LDLRAD4: variants seen among roughly 807,000 people sequenced by gnomAD.
LDLRAD4 encodes the protein low-density lipoprotein receptor class A domain-containing protein 4.
Under a neutral mutation model 17.0 loss-of-function variants are expected in LDLRAD4, and 5 were observed. The observed-to-expected ratio is 0.29, with a 90% CI of 0.15 to 0.62. The LOEUF is 0.62. LDLRAD4 is among the 20% of genes least tolerant of loss of function. LDLRAD4 has a pLI of 0.84. For synonymous variants in LDLRAD4, 168 were observed against 171.8 expected (o/e 0.98, Z 0.17); for missense variants, 340 against 424.7 (o/e 0.80, Z 1.75).
At chr18:13,601,657 A>AG (rs2095163952) in intron 3 of LDLRAD4, among the ~76,000 whole-genome samples, 1 of 150,924 alleles carries the variant, frequency 6.6e-6, no homozygotes, top group South Asian at 2.1e-4. Context: ...CTGTCTGAAA[A>AG]AAAAAAAAAG....
intron 3 of LDLRAD4, among the ~76,000 whole-genome samples, chr18:13,510,113 C>T (rs1208206583): frequency 1.3e-5 from 2 of 152,152 alleles, no homozygotes; most frequent in South Asian, 2.1e-4. Flanking sequence ...GCAGCATCTC[C>T]GAGTATGTCT....
rs73954885 is a variant in LDLRAD4, at chr18:13,649,840, C to G, written c.*4183C>G. On this transcript the variant is annotated 3_prime_UTR_variant, in exon 6 of 6. Transcript: ENST00000359446. ...AGTGCTTGGAGCCAAGCCTTCATGC[C>G]ACGAACATGCTCCACAGCCTGCCCT... 5.1e-3 allele frequency: 2,009 copies of G among 393,444 alleles called. 40 individuals are homozygous for G. Among genetic ancestry groups the G allele is most frequent in the African/African-American group, 0.038 (1,825 of 48,646 alleles). The allele number at this position is 393,444 out of a possible 1,614,324, so 24.4% of individuals were successfully genotyped here.
At position 13,322,514 on chromosome 18, in the gene LDLRAD4, G is replaced by A. The variant is rs193246967; in HGVS notation, c.-383+44326G>A. 3.3e-5 allele frequency among the ~76,000 whole-genome samples: 5 copies of A among 152,064 alleles called. No homozygotes were observed. In the East Asian group the frequency reaches 9.7e-4, roughly 29 times the overall value. ...GGGATTTTGCCATATTGGCCAGGCT[G>A]GTCTAAAACTCCTGACCTCAGGTGA... On this transcript the variant is annotated intron_variant, in intron 1 of 5. Transcript: ENST00000359446.
chr18:13,583,483 A>G (rs540063142), intron 3 of LDLRAD4, among the ~76,000 whole-genome samples: 18 of 152,302 alleles, frequency 1.2e-4, no homozygotes, highest in Non-Finnish European at 2.4e-4. Flanking sequence ...ACTAGAATGC[A>G]TGGGATTGGG....
rs71174166 is a variant in LDLRAD4, at chr18:13,226,180, C to CTT, written c.-467+7212_-467+7213dup. On this transcript the variant is annotated intron_variant, in intron 1 of 5. Transcript: ENST00000399848. ...GGACTACAGATGCTGCCATGCCTTGCTTTTTTTTTTTTTTTTTTTTTGTAG... is the reference window on the plus strand; with the variant it reads ...GGACTACAGATGCTGCCATGCCTTGCTTTTTTTTTTTTTTTTTTTTTTTGTAG... 2.1e-4 allele frequency among the ~76,000 whole-genome samples: 11 copies of CTT among 52,208 alleles called. 1 individual carries two copies. The highest frequency in any genetic ancestry group is 4.7e-4 in the African/African-American group (6 of 12,850). The allele number at this position is 52,208 out of a possible 152,430, so 34.3% of individuals were successfully genotyped here.
At chr18:13,309,373 T>A (rs1346575956) in intron 1 of LDLRAD4, among the ~76,000 whole-genome samples, 3 of 152,180 alleles carry the variant, frequency 2.0e-5, no homozygotes, top group African/African-American at 7.2e-5. Flanking sequence ...GAAAAGCAAA[T>A]CCCAAATAGG....
At chr18:13,500,403 G>A (rs977968565) in intron 3 of LDLRAD4, among the ~76,000 whole-genome samples, 1 of 152,228 alleles carries the variant, frequency 6.6e-6, no homozygotes, top group African/African-American at 2.4e-5. Context: ...GCTTTTTCAT[G>A]TTGTCCACAC....
At chr18:13,457,828 C>G (rs77472278) in intron 3 of LDLRAD4, among the ~76,000 whole-genome samples, 1 of 152,170 alleles carries the variant, frequency 6.6e-6, no homozygotes, top group Admixed American at 6.5e-5. Flanking sequence ...TATTTCAGTG[C>G]TGGTCTGACT....
At chr18:13,322,904 C>A (rs566855686) in intron 1 of LDLRAD4, among the ~76,000 whole-genome samples, 1 of 152,014 alleles carries the variant, frequency 6.6e-6, no homozygotes, top group Non-Finnish European at 1.5e-5. Context: ...GCATTACAGG[C>A]GTGAGCCACT....
At chr18:13,394,290 C>A (rs989632916) in intron 2 of LDLRAD4, among the ~76,000 whole-genome samples, 4 of 152,098 alleles carry the variant, frequency 2.6e-5, no homozygotes, top group Non-Finnish European at 5.9e-5. Flanking sequence ...CCATTCTATA[C>A]TGTTTCAAGA....
upstream of LDLRAD4, among the ~76,000 whole-genome samples, chr18:13,274,880 A>G (rs1395630668): frequency 6.6e-6 from 1 of 152,152 alleles, no homozygotes; most frequent in Non-Finnish European, 1.5e-5. Context: ...AGTATCTTAA[A>G]GAGCTGGGCA....
At chr18:13,220,046 C>G (rs2041364937) in intron 1 of LDLRAD4, among the ~76,000 whole-genome samples, 2 of 152,172 alleles carry the variant, frequency 1.3e-5, no homozygotes, top group South Asian at 4.1e-4. Context: ...CTGAGTATTA[C>G]CCATGTATAT....
intron 2 of LDLRAD4, among the ~76,000 whole-genome samples, chr18:13,429,382 A>AT (rs1172545734): frequency 1.3e-5 from 2 of 152,236 alleles, no homozygotes; most frequent in African/African-American, 4.8e-5. Flanking sequence ...GGCCCAGAGC[A>AT]TCTTTTTATA....
At chr18:13,279,247 C>A (rs58185991) in intron 1 of LDLRAD4, among the ~76,000 whole-genome samples, 1 of 152,186 alleles carries the variant, frequency 6.6e-6, no homozygotes, top group Non-Finnish European at 1.5e-5. Flanking sequence ...GTTATTCACA[C>A]GATCCCTTTA....
Position 13,466,940 on chromosome 18 carries a change from C to T in LDLRAD4, c.181+28556C>T, listed in dbSNP as rs139906386. Among the ~76,000 whole-genome samples the T allele has an allele frequency of 1.8e-3, 267 of 152,314 alleles. 4 individuals are homozygous for T. The highest frequency in any genetic ancestry group is 5.5e-3 in the African/African-American group (228 of 41,576). ...ATGACCTAATCACCTCCTGAAGGCTCCACTTCCTAATATCCTCACATTGGT... is the reference window on the plus strand; with the variant it reads ...ATGACCTAATCACCTCCTGAAGGCTTCACTTCCTAATATCCTCACATTGGT... On this transcript the variant is annotated intron_variant, in intron 3 of 5. Coordinates refer to ENST00000359446, the Ensembl canonical transcript of LDLRAD4.
intron 3 of LDLRAD4, among the ~76,000 whole-genome samples, chr18:13,484,765 C>A (rs2093178467): frequency 6.6e-6 from 1 of 152,190 alleles, no homozygotes; most frequent in Admixed American, 6.5e-5. Context: ...GACCCAGTGC[C>A]AGTATCTTCC....
At chr18:13,373,058 A>G (rs2084638078) in intron 1 of LDLRAD4, among the ~76,000 whole-genome samples, 1 of 152,220 alleles carries the variant, frequency 6.6e-6, no homozygotes, top group Non-Finnish European at 1.5e-5. Flanking sequence ...AGCTGGGTGT[A>G]AGCACATCTC....
At chr18:13,642,544 G>A (rs2042665737) in intron 4 of LDLRAD4, 1 of 1,228,040 alleles carries the variant, frequency 8.1e-7, no homozygotes, top group South Asian at 4.3e-5. Context: ...GTGAATAGGT[G>A]GACTGGAGAA....
Position 13,476,987 on chromosome 18 carries a change from C to A in LDLRAD4, c.181+38603C>A, listed in dbSNP as rs541136137. On this transcript the variant is annotated intron_variant, in intron 3 of 5. Coordinates refer to ENST00000359446, the Ensembl canonical transcript of LDLRAD4. ...ATTTTTCTTATCCTTTTTGATGTCT[C>A]AAGAAAACTCACTAAGATCCGTTTA... 1.4e-4 allele frequency among the ~76,000 whole-genome samples: 21 copies of A among 152,274 alleles called. No homozygotes were observed. In the South Asian group the frequency reaches 3.9e-3, roughly 29 times the overall value.
Sources: gnomAD v4.1 joint callset for allele counts (sites outside exome capture counted in the v4.1 genomes callset) on GRCh38, gnomAD v4.1.1 for gene constraint, MANE v1.5 for transcripts, NCBI Gene and HGNC (gene_info 2026-07-23, HGNC 2026-07-21) for gene names.